The following CSNK2A2IP variants were observed in gnomAD, a reference collection of about 807,000 sequenced individuals.
CSNK2A2IP encodes casein kinase II subunit alpha'-interacting protein.
chr3:88,341,043 C>T, the CSNK2A2IP span, among the ~76,000 whole-genome samples: 1 of 151,870 alleles, frequency 6.6e-6, no homozygotes, highest in Non-Finnish European at 1.5e-5. Context: ...ATTTTTTCCA[C>T]GTTTCAAATT....
chr3:88,347,172 T>A, the CSNK2A2IP span, among the ~76,000 whole-genome samples: 1 of 152,026 alleles, frequency 6.6e-6, no homozygotes, highest in African/African-American at 2.4e-5. Context: ...TTGCTTCTTA[T>A]GGATGAGGAA....
At chr3:88,367,402 T>C in the CSNK2A2IP span, among the ~76,000 whole-genome samples, 1 of 152,072 alleles carries the variant, frequency 6.6e-6, no homozygotes, top group African/African-American at 2.4e-5. Context: ...AAGAAAGCAG[T>C]AAAGATAATG....
the CSNK2A2IP span, among the ~76,000 whole-genome samples, chr3:88,346,896 A>T: frequency 6.6e-6 from 1 of 151,936 alleles, no homozygotes; most frequent in Non-Finnish European, 1.5e-5. Context: ...TGGTGGGTCT[A>T]GGAAAGTTAA....
chr3:88,460,710 G>T, the CSNK2A2IP span, among the ~76,000 whole-genome samples: 2 of 152,088 alleles, frequency 1.3e-5, no homozygotes, highest in African/African-American at 4.8e-5. Flanking sequence ...ATTACCAGTA[G>T]CTCCAACTCT....
the CSNK2A2IP span, among the ~76,000 whole-genome samples, chr3:88,338,908 T>C: frequency 6.6e-6 from 1 of 152,140 alleles, no homozygotes; most frequent in East Asian, 1.9e-4. Flanking sequence ...ATTTTTTTAA[T>C]TTAATTTTTA....
chr3:88,372,379 T>C, the CSNK2A2IP span, among the ~76,000 whole-genome samples: 1 of 151,458 alleles, frequency 6.6e-6, no homozygotes, highest in Non-Finnish European at 1.5e-5. Context: ...TGAAACTATA[T>C]TGTTACAAGC....
the CSNK2A2IP span, among the ~76,000 whole-genome samples, chr3:88,397,263 G>T: frequency 2.0e-5 from 3 of 152,144 alleles, no homozygotes; most frequent in Non-Finnish European, 4.4e-5. Context: ...TCAGCTAGAA[G>T]TATGTCAAGA....
At chr3:88,417,329 C>T in the CSNK2A2IP span, among the ~76,000 whole-genome samples, 1 of 151,952 alleles carries the variant, frequency 6.6e-6, no homozygotes, top group African/African-American at 2.4e-5. Context: ...TATCTGGATC[C>T]AACAGAAGGT....
the CSNK2A2IP span, among the ~76,000 whole-genome samples, chr3:88,344,207 A>C: frequency 2.8e-5 from 4 of 141,158 alleles, no homozygotes; most frequent in African/African-American, 1.0e-4. Context: ...TCCTTTTACA[A>C]ACTGTTAATA....
the CSNK2A2IP span, among the ~76,000 whole-genome samples, chr3:88,353,236 C>A: frequency 5.9e-5 from 9 of 152,272 alleles, no homozygotes; most frequent in African/African-American, 2.2e-4. Context: ...ATTCAACAAA[C>A]TTGTACTTAT....
chr3:88,383,674 T>TTTTTTTTTTTTTTTTG, the CSNK2A2IP span, among the ~76,000 whole-genome samples: 5 of 71,804 alleles, frequency 7.0e-5, no homozygotes, highest in Admixed American at 1.5e-4. Context: ...TTTTTTTTTT[T>TTTTTTTTTTTTTTTTG]GGGACGGAGT....
chr3:88,467,406 G>A, the CSNK2A2IP span: 1 of 398,466 alleles, frequency 2.5e-6, no homozygotes, highest in Non-Finnish European at 4.4e-6. Context: ...GGGTCTCCTG[G>A]CTTGAGTTTA....
chr3:88,466,617 C>A, the CSNK2A2IP span: 1 of 1,231,312 alleles, frequency 8.1e-7, no homozygotes, highest in Non-Finnish European at 1.0e-6. Flanking sequence ...GTCAGCCCTG[C>A]ATTGTTAAAG....
chr3:88,386,408 G>A, the CSNK2A2IP span, among the ~76,000 whole-genome samples: 1 of 152,202 alleles, frequency 6.6e-6, no homozygotes. Flanking sequence ...TTACCGGCGT[G>A]AGCCAGCGTA....
the CSNK2A2IP span, among the ~76,000 whole-genome samples, chr3:88,389,076 C>T: frequency 1.3e-5 from 2 of 151,766 alleles, no homozygotes; most frequent in African/African-American, 4.8e-5. Flanking sequence ...AGGAGATACA[C>T]AATGAAATAA....
the CSNK2A2IP span, among the ~76,000 whole-genome samples, chr3:88,438,934 C>T: frequency 0.014 from 2,078 of 152,134 alleles, 40 homozygotes; most frequent in African/African-American, 0.048. Flanking sequence ...CATGTATCAC[C>T]GCTCCCAAAG....
the CSNK2A2IP span, among the ~76,000 whole-genome samples, chr3:88,446,913 G>A: frequency 6.6e-6 from 1 of 151,992 alleles, no homozygotes; most frequent in Admixed American, 6.6e-5. Context: ...ATAGGATCTG[G>A]CATCTTGTAG....
At chr3:88,445,581 CAG>C in the CSNK2A2IP span, among the ~76,000 whole-genome samples, 1 of 152,030 alleles carries the variant, frequency 6.6e-6, no homozygotes, top group Non-Finnish European at 1.5e-5. Context: ...CTTTTACAGA[CAG>C]AGTCTCACTC....
the CSNK2A2IP span, among the ~76,000 whole-genome samples, chr3:88,424,646 G>A: frequency 6.6e-6 from 1 of 152,108 alleles, no homozygotes; most frequent in Non-Finnish European, 1.5e-5. Flanking sequence ...CACCCATCAA[G>A]TGCTGATATC....
Sources: allele counts gnomAD v4.1 joint callset (sites outside exome capture counted in the v4.1 genomes callset), GRCh38; gene constraint gnomAD v4.1.1; transcripts MANE v1.5; gene names NCBI Gene and HGNC (gene_info 2026-07-23, HGNC 2026-07-21).